DIDO1: variants seen among roughly 807,000 people sequenced by gnomAD.
DIDO1 encodes death-inducer obliterator 1.
In DIDO1, 16 loss-of-function variants were observed where a neutral mutation model predicts 99.4. The observed-to-expected ratio is 0.16, with a 90% CI of 0.11 to 0.24. DIDO1 has a LOEUF of 0.24. Among genes scored for constraint, DIDO1 ranks in the 10% least tolerant of loss-of-function variants. The pLI is 1.00. For missense variants in DIDO1, 2,996 were observed against 3,014.0 expected, an observed-to-expected ratio of 0.99 and a Z score of 0.14; for synonymous variants, 1,366 against 1,239.1, an observed-to-expected ratio of 1.10 and a Z score of -2.15.
Position 62,909,808 on chromosome 20 carries a change from G to C in DIDO1, c.1052C>G (p.Thr351Arg). ...RPGDADGTDC[T>R]SIGTIEQKSS... Reference sequence around the variant, plus strand: ...CTTCTGCTCTATTGTTCCTATACTTGTACAATCGGTGCCATCAGCATCTCC... The same window carrying C: ...CTTCTGCTCTATTGTTCCTATACTTCTACAATCGGTGCCATCAGCATCTCC... Residue 351 changes from threonine (T) to arginine (R), a missense_variant, in exon 4 of 16, where the codon ACA becomes AGA. This residue lies in a region of DIDO1 where 898 missense variants were observed against 972.7 expected (regional missense o/e 0.92). Transcript: ENST00000395343. The C allele has an allele frequency of 1.2e-6, 2 of 1,614,178 alleles. No homozygotes were observed. The highest frequency in any genetic ancestry group is 1.7e-6 in the Non-Finnish European group (2 of 1,180,038).
At chr20:62,889,345 G>A (rs577113115) in intron 15 of DIDO1, 67 of 975,608 alleles carry the variant, frequency 6.9e-5, no homozygotes, top group East Asian at 2.3e-4. Context: ...CCCGGCATGC[G>A]CCGGGGCTCG....
intron 15 of DIDO1, 162 bp downstream of exon 15, chr20:62,890,798 T>C: frequency 1.3e-6 from 2 of 1,487,234 alleles, no homozygotes; most frequent in Non-Finnish European, 1.8e-6. Context: ...GCCACAGTCC[T>C]ACGCCCTCAA....
Position 62,880,582 on chromosome 20 carries a change from G to T in DIDO1, c.5374C>A (p.Pro1792Thr). Residue 1792 changes from proline to threonine, a missense_variant, in exon 16 of 16, where the codon CCA becomes ACA. Pro to Thr is a conservative substitution (Grantham distance 38). Around this residue, in one of 5 missense-constraint regions of DIDO1, gnomAD observed 1,562 missense variants for 1,412.6 expected, o/e 1.11. Coordinates refer to ENST00000395343, the MANE Select transcript of DIDO1 (RefSeq NM_001193369.2). ...AATCTGGCTGGCGGAGGCCCTCGTG[G>T]CCCATCGTTAGAAGCGATATTCTCT... The part of the protein sequence containing the change: ...PEENIASNDG[P>T]RGPPPARFGA... 1 of 1,612,942 alleles carries T rather than the reference G, an allele frequency of 6.2e-7. No individual in the cohort carries two copies. Among genetic ancestry groups the T allele is most frequent in the Non-Finnish European group, 8.5e-7 (1 of 1,180,014 alleles).
rs1600965550 is a variant in DIDO1 at position 62,901,156 on chromosome 20, C to T, written c.1589-4160G>A. Among the ~76,000 whole-genome samples the T allele has an allele frequency of 2.6e-5, 4 of 152,348 alleles. No homozygotes were observed. The East Asian group carries it at 7.7e-4, about 29-fold the overall frequency. On this transcript the variant is annotated intron_variant, in intron 6 of 15. Transcript: ENST00000395343. Reference sequence around the variant, plus strand: ...GGAAACAGTTACTTCCCAAATACAGCAGGCAGACTACATCGCAGACGCTCC... The same window carrying T: ...GGAAACAGTTACTTCCCAAATACAGTAGGCAGACTACATCGCAGACGCTCC...
chr20:62,912,565 A>G (rs2064966410), intron 2 of DIDO1, among the ~76,000 whole-genome samples: 1 of 151,754 alleles, frequency 6.6e-6, no homozygotes, highest in African/African-American at 2.4e-5. Context: ...CTTATTTATG[A>G]AACTTTTACT....
rs781124402 is a variant in DIDO1 at position 62,894,560 on chromosome 20, A to G, written c.2437-12T>C. 2.5e-6 allele frequency: 4 copies of G among 1,602,342 alleles called. No individual in the cohort carries two copies. The highest frequency in any genetic ancestry group is 2.2e-5 in the South Asian group (2 of 90,592). ...GACTCTTGCTGTTCCTAAAAAAGAAAAAGAAAAAAAAGTGAGGTCGTTTCT... is the reference window on the plus strand; with the variant it reads ...GACTCTTGCTGTTCCTAAAAAAGAAGAAGAAAAAAAAGTGAGGTCGTTTCT... On this transcript the variant is annotated splice_polypyrimidine_tract_variant and intron_variant, in intron 10 of 15. Coordinates refer to ENST00000395343, the MANE Select transcript of DIDO1 (RefSeq NM_001193369.2). This position sits in a 1 kb window ranked among gnomAD's most constrained non-coding sequence, Gnocchi z 4.4.
At chr20:62,916,361 G>GACT (rs1398129576) in intron 1 of DIDO1, among the ~76,000 whole-genome samples, 2 of 152,138 alleles carry the variant, frequency 1.3e-5, no homozygotes, top group East Asian at 3.8e-4. Context: ...CTATTGACTA[G>GACT]AAGCAGCTGA....
At chr20:62,913,350 G>A (rs931872845) in intron 2 of DIDO1, among the ~76,000 whole-genome samples, 1 of 152,018 alleles carries the variant, frequency 6.6e-6, no homozygotes, top group Non-Finnish European at 1.5e-5. Context: ...TGTGTGAGGG[G>A]GGCACTAGAG....
intron 1 of DIDO1, among the ~76,000 whole-genome samples, chr20:62,924,793 C>T (rs1331282739): frequency 1.3e-5 from 2 of 152,136 alleles, no homozygotes; most frequent in South Asian, 2.1e-4. Flanking sequence ...TTATTTGTGC[C>T]CTGTCTTCTC....
At chr20:62,937,802 C>T (rs924374786) in exon 1 of DIDO1, 1 of 398,310 alleles carries the variant, frequency 2.5e-6, no homozygotes, top group Non-Finnish European at 4.4e-6. Context: ...GGACCTTCGC[C>T]TCCGACTCAG....
chr20:62,884,988 G>GT (rs537295828), intron 15 of DIDO1, among the ~76,000 whole-genome samples: 1 of 152,204 alleles, frequency 6.6e-6, no homozygotes, highest in South Asian at 2.1e-4. Context: ...TTTTAAAACG[G>GT]TATTTCTCTC....
In DIDO1 at chr20:62,911,639, G is replaced by A. The variant is rs974503298; in HGVS notation, c.-2-25C>T. ...CCTAGCGGTAAAGTGTAAGCACATA[G>A]TGACCAACTGACCACAGAACAAAAG... On this transcript the variant is annotated intron_variant, in intron 2 of 15. Coordinates refer to ENST00000395343, the MANE Select transcript of DIDO1 (RefSeq NM_001193369.2). This position sits in a 1 kb window ranked among gnomAD's most constrained non-coding sequence, Gnocchi z 7.0. The A allele has an allele frequency of 6.6e-7, 1 of 1,514,396 alleles. No individual in the cohort carries two copies. Among genetic ancestry groups the A allele is most frequent in the Non-Finnish European group, 8.9e-7 (1 of 1,129,268 alleles). 93.8% of individuals were successfully genotyped at this position (1,514,396 alleles called of 1,614,324 possible).
Position 62,896,798 on chromosome 20 carries a change from T to C in DIDO1, c.1787A>G (p.Lys596Arg), listed in dbSNP as rs747694615. Residue 596 changes from lysine (K) to arginine (R), a missense_variant, in exon 7 of 16, where the codon AAG becomes AGG. By Grantham distance (26) the Lys-to-Arg change is conservative. Around this residue, in one of 5 missense-constraint regions of DIDO1, gnomAD observed 898 missense variants for 972.7 expected, o/e 0.92. Coordinates refer to ENST00000395343, the MANE Select transcript of DIDO1 (RefSeq NM_001193369.2). This position sits in a 1 kb window ranked among gnomAD's most constrained non-coding sequence, Gnocchi z 4.4. ...PPSGFKGTIP[K>R]RPWLSATPSS... Reference sequence around the variant, plus strand: ...TGGGGTAGCGGAGAGCCATGGCCTCTTGGGGATGGTGCCCTTGAAACCTGA... The same window carrying C: ...TGGGGTAGCGGAGAGCCATGGCCTCCTGGGGATGGTGCCCTTGAAACCTGA... 6.2e-7 allele frequency: 1 copy of C among 1,614,148 alleles called. No homozygotes were observed. The highest frequency in any genetic ancestry group is 8.5e-7 in the Non-Finnish European group (1 of 1,180,026).
chr20:62,891,778 G>A (rs1429128757), intron 14 of DIDO1, among the ~76,000 whole-genome samples: 3 of 149,110 alleles, frequency 2.0e-5, no homozygotes, highest in Non-Finnish European at 4.4e-5. Context: ...TTTTTTTTGA[G>A]ACAGTCTTGC....
chr20:62,929,695 G>GTATATATATATATA (rs71195479), upstream of DIDO1, among the ~76,000 whole-genome samples: 7 of 97,958 alleles, frequency 7.1e-5, no homozygotes, highest in South Asian at 3.2e-4. Flanking sequence ...AAGAAAAAGT[G>GTATATATATATATA]TATATATATA....
Position 62,880,336 on chromosome 20 carries a change from C to G in DIDO1, c.5620G>C (p.Glu1874Gln), listed in dbSNP as rs1315107201. The G allele has an allele frequency of 6.2e-7, 1 of 1,612,870 alleles. No homozygotes were observed. Among genetic ancestry groups the G allele is most frequent in the Non-Finnish European group, 8.5e-7 (1 of 1,180,018 alleles). ...TGAPAQFEGT[E>Q]QAPFLGSRGG... ...CTGCTTCCCAGAAATGGGGCTTGCT[C>G]TGTCCCTTCAAACTGGGCGGGGGCG... The change falls in exon 16 of 16, where the codon GAG (glutamate) becomes CAG (glutamine). Residue 1874 changes from glutamate to glutamine, a missense_variant. Coordinates refer to ENST00000395343, the MANE Select transcript of DIDO1 (RefSeq NM_001193369.2).
In DIDO1 at chr20:62,880,965, G is replaced by A. The variant is rs200238834; in HGVS notation, c.4991C>T (p.Pro1664Leu). The A allele has an allele frequency of 5.2e-5, 83 of 1,606,670 alleles. No individual in the cohort carries two copies. The African/African-American group carries it at 1.1e-3, about 21-fold the overall frequency. ...GAAGCCGGGCTGCAGGGCGCCGCAA[G>A]GCGGTGTGGGCAGCAGCACCCTCCG... ...PARRVLLPTP[P>L]CGALQPGFPL... is the part of the protein sequence containing the mutation. The change falls in exon 16 of 16, where the codon CCT becomes CTT. Residue 1664 changes from proline (P) to leucine (L), a missense_variant. This residue lies in a region of DIDO1 where 1,562 missense variants were observed against 1,412.6 expected (regional missense o/e 1.11). Transcript: ENST00000395343.
intron 6 of DIDO1, chr20:62,904,887 A>G (rs149834375): frequency 4.0e-6 from 3 of 746,034 alleles, no homozygotes; most frequent in African/African-American, 1.9e-5. Flanking sequence ...GAATCTGCTC[A>G]AAGTCTGACG....
chr20:62,926,959 T>C (rs1325276441), upstream of DIDO1, among the ~76,000 whole-genome samples: 1 of 152,126 alleles, frequency 6.6e-6, no homozygotes, highest in Non-Finnish European at 1.5e-5. Flanking sequence ...CTCTTCCAGA[T>C]TGTGTTTCTC....
Sources: gnomAD v4.1 joint callset for allele counts (sites outside exome capture counted in the v4.1 genomes callset) on GRCh38, gnomAD v4.1.1 for gene constraint, gnomAD v4.1.1 regional missense constraint, Gnocchi (gnomAD v3.1) non-coding constraint, MANE v1.5 for transcripts, NCBI Gene and HGNC (gene_info 2026-07-23, HGNC 2026-07-21) for gene names.